The following LYZL1 variants were observed in gnomAD, a reference collection of about 807,000 sequenced individuals.
The protein encoded by LYZL1 is lysozyme-like protein 1.
In LYZL1, 16 loss-of-function variants were observed where a neutral mutation model predicts 17.9. That is an observed-to-expected ratio of 0.90 (90% CI 0.61 to 1.36). LYZL1 has a LOEUF of 1.36. Ranked by LOEUF, LYZL1 falls within the 40% of genes most tolerant of loss-of-function variation. The pLI is 0.00. For synonymous variants in LYZL1, 58 were observed against 71.8 expected, an observed-to-expected ratio of 0.81 and a Z score of 0.97; for missense variants, 149 against 188.4, an observed-to-expected ratio of 0.79 and a Z score of 1.22.
chr10:29,308,615 G>A (rs1204307530), intron 3 of LYZL1, among the ~76,000 whole-genome samples: 9 of 152,184 alleles, frequency 5.9e-5, no homozygotes, highest in Non-Finnish European at 1.3e-4. Context: ...GAAAGAATGC[G>A]GATATCAAAC....
downstream of LYZL1, among the ~76,000 whole-genome samples, chr10:29,313,454 CA>C (rs1835695892): frequency 6.6e-6 from 1 of 152,190 alleles, no homozygotes; most frequent in East Asian, 1.9e-4. Flanking sequence ...ACCAGCCATT[CA>C]AAGACTGGGG....
Position 29,289,233 on chromosome 10 carries a change from A to G in LYZL1, c.-26+3A>G, listed in dbSNP as rs745506797. 8.9e-6 allele frequency: 12 copies of G among 1,348,652 alleles called. No homozygotes were observed. The highest frequency in any genetic ancestry group is 4.0e-5 in the East Asian group (1 of 25,096). The allele number at this position is 1,348,652 out of a possible 1,614,324, so 83.5% of individuals were successfully genotyped here. On this transcript the variant is annotated splice_donor_region_variant and intron_variant, in intron 1 of 4. Transcript: ENST00000649382. ...GGCACCAGGAATCTGCCTTTTCAGT[A>G]AGACCTAAATTACTCTTATGAGAAC...
chr10:29,313,589 C>T (rs374235089), downstream of LYZL1, among the ~76,000 whole-genome samples: 18 of 152,292 alleles, frequency 1.2e-4, no homozygotes, highest in African/African-American at 3.8e-4. Flanking sequence ...TCTAAGCATG[C>T]AATCCTACTC....
intron 3 of LYZL1, among the ~76,000 whole-genome samples, chr10:29,307,944 G>A (rs2132834709): frequency 6.6e-6 from 1 of 152,276 alleles, no homozygotes; most frequent in African/African-American, 2.4e-5. Flanking sequence ...ACGCCCACGA[G>A]CAAGTATCCA....
At chr10:29,311,308 G>A, downstream of LYZL1, 1 of 1,242,570 alleles carries the variant, frequency 8.0e-7, no homozygotes. Context: ...TCTAGCCTTG[G>A]AAAAAACAAA....
intron 1 of LYZL1, among the ~76,000 whole-genome samples, chr10:29,291,489 A>G (rs1588655725): frequency 1.3e-5 from 2 of 151,962 alleles, no homozygotes; most frequent in South Asian, 4.2e-4. Flanking sequence ...TCAGCAGTAT[A>G]GGGAATGTTT....
intron 3 of LYZL1, among the ~76,000 whole-genome samples, chr10:29,294,233 C>T (rs1835416770): frequency 6.6e-6 from 1 of 152,118 alleles, no homozygotes; most frequent in Non-Finnish European, 1.5e-5. Flanking sequence ...TAACGACCAT[C>T]TGAGTGTGAA....
At chr10:29,310,248 A>G (rs1276145561) in intron 4 of LYZL1, 60 bp downstream of exon 4, 4 of 1,294,644 alleles carry the variant, frequency 3.1e-6, no homozygotes, top group African/African-American at 1.5e-5. Flanking sequence ...GTGTGTATTT[A>G]TCACAGTTAT....
intron 3 of LYZL1, among the ~76,000 whole-genome samples, chr10:29,302,140 C>T (rs1835527403): frequency 6.6e-6 from 1 of 152,104 alleles, no homozygotes; most frequent in Non-Finnish European, 1.5e-5. Flanking sequence ...TGATCTTTCT[C>T]CTGGTATGTG....
chr10:29,304,197 C>G (rs1160974816), intron 3 of LYZL1, among the ~76,000 whole-genome samples: 3 of 152,180 alleles, frequency 2.0e-5, no homozygotes, highest in African/African-American at 7.2e-5. Context: ...TACATAAGCA[C>G]ACACGTTCAT....
chr10:29,290,906 CAAGAA>C (rs1344197732), intron 1 of LYZL1, among the ~76,000 whole-genome samples: 1 of 152,112 alleles, frequency 6.6e-6, no homozygotes, highest in Admixed American at 6.5e-5. Flanking sequence ...GGAACTGAAT[CAAGAA>C]AAGAAAATGA....
At chr10:29,310,892 C>T in intron 4 of LYZL1, 98 bp from the exon 5 acceptor site, 1 of 1,584,348 alleles carries the variant, frequency 6.3e-7, no homozygotes, top group African/African-American at 1.3e-5. Flanking sequence ...ACCCAGGGTT[C>T]CGCTGGCGAT....
chr10:29,305,906 C>T (rs1278406094), intron 3 of LYZL1, among the ~76,000 whole-genome samples: 2 of 152,144 alleles, frequency 1.3e-5, no homozygotes, highest in Non-Finnish European at 2.9e-5. Context: ...GGGAAAATTC[C>T]ACTTCCAACA....
intron 3 of LYZL1, among the ~76,000 whole-genome samples, chr10:29,293,918 G>A (rs376183204): frequency 2.0e-5 from 3 of 151,780 alleles, no homozygotes; most frequent in African/African-American, 7.3e-5. Context: ...AGGTTGCAGT[G>A]AGCCGAGATT....
downstream of LYZL1, among the ~76,000 whole-genome samples, chr10:29,314,485 A>T (rs1026931062): frequency 8.5e-5 from 13 of 152,176 alleles, no homozygotes; most frequent in African/African-American, 3.1e-4. Context: ...GTGGTGGTGC[A>T]CACCTGTAGT....
intron 3 of LYZL1, among the ~76,000 whole-genome samples, chr10:29,306,142 C>A (rs1017953737): frequency 3.3e-5 from 5 of 152,032 alleles, no homozygotes; most frequent in Non-Finnish European, 7.4e-5. Flanking sequence ...TTTTCTAAAC[C>A]AGTGCTGTCT....
In LYZL1 at chr10:29,310,078, C is replaced by T. The variant is rs112818243; in HGVS notation, c.299-32C>T. ...AGGTCCCTCTCCAACAACAAAGTCT[C>T]GCCTAACCCTGATGTCTTCTCTCTT... On this transcript the variant is annotated intron_variant, in intron 3 of 4. Coordinates refer to ENST00000649382, the MANE Select transcript of LYZL1 (RefSeq NM_032517.6). The T allele has an allele frequency of 1.0e-3, 1,573 of 1,529,058 alleles. 8 individuals carry two copies. The highest frequency in any genetic ancestry group is 3.8e-3 in the African/African-American group (280 of 73,180). The allele number at this position is 1,529,058 out of a possible 1,614,324, so 94.7% of individuals were successfully genotyped here. A position where few individuals can be genotyped will look rare whatever the true frequency, so the allele number is the denominator to read the frequency against.
rs1774946 is a variant in LYZL1 at position 29,291,212 on chromosome 10, A to T, written c.-25-631A>T. On this transcript the variant is annotated intron_variant, in intron 1 of 4. Transcript: ENST00000649382. ...AATAAACACATATTTTTTATGTTCT[A>T]TGTCTTCTGTACTGGATTCTTACAA... 9.2e-3 allele frequency among the ~76,000 whole-genome samples: 1,398 copies of T among 152,192 alleles called. 17 individuals are homozygous for T. Among genetic ancestry groups the T allele is most frequent in the South Asian group, 0.036 (172 of 4,826 alleles).
At chr10:29,304,474 C>G (rs549386380) in intron 3 of LYZL1, among the ~76,000 whole-genome samples, 1 of 151,398 alleles carries the variant, frequency 6.6e-6, no homozygotes, top group African/African-American at 2.4e-5. Flanking sequence ...AGGAGGATGC[C>G]GAGGAGAGAC....
Sources: allele counts gnomAD v4.1 joint callset (sites outside exome capture counted in the v4.1 genomes callset), GRCh38; gene constraint gnomAD v4.1.1; transcripts MANE v1.5; gene names NCBI Gene and HGNC (gene_info 2026-07-23, HGNC 2026-07-21).